The following CACNA1C variants were observed in gnomAD, a reference collection of about 807,000 sequenced individuals.
CACNA1C encodes calcium voltage-gated channel subunit alpha1 C, also known as voltage-dependent L-type calcium channel subunit alpha-1C.
In CACNA1C, 30 loss-of-function variants were observed where a neutral mutation model predicts 229.0. That is an observed-to-expected ratio of 0.13 (90% CI 0.10 to 0.18). CACNA1C has a LOEUF of 0.18. Ranked by LOEUF, CACNA1C falls within the 10% of genes least tolerant of loss-of-function variation. The pLI, the probability that CACNA1C is intolerant of heterozygous loss-of-function variation, is 1.00. For synonymous variants in CACNA1C, 1,114 were observed against 1,132.5 expected (o/e 0.98, Z 0.33); for missense variants, 1,658 against 2,845.0 (o/e 0.58, Z 9.49).
At position 2,147,526 on chromosome 12, in the gene CACNA1C, G is replaced by T. The variant is rs1361746020; in HGVS notation, c.477+27096G>T. On this transcript the variant is annotated intron_variant, in intron 3 of 46. Coordinates refer to ENST00000399655, the MANE Select transcript of CACNA1C (RefSeq NM_000719.7). Reference sequence around the variant, plus strand: ...TTCCAGGGACCTGTTGCCTCTTTGTGACAAATGTTAGATAATTTCCATTAA... The same window carrying T: ...TTCCAGGGACCTGTTGCCTCTTTGTTACAAATGTTAGATAATTTCCATTAA... 1.3e-5 allele frequency among the ~76,000 whole-genome samples: 2 copies of T among 151,214 alleles called. 1 individual carries two copies. The highest frequency in any genetic ancestry group is 3.0e-5 in the Non-Finnish European group (2 of 67,686).
intron 3 of CACNA1C, among the ~76,000 whole-genome samples, chr12:2,357,265 C>A (rs1344677361): frequency 6.6e-6 from 1 of 152,184 alleles, no homozygotes; most frequent in Non-Finnish European, 1.5e-5. Context: ...TCACCTTGCT[C>A]CAAGGAAGCT....
At chr12:2,620,780 T>C (rs901685777) in intron 29 of CACNA1C, among the ~76,000 whole-genome samples, 2 of 152,178 alleles carry the variant, frequency 1.3e-5, no homozygotes, top group African/African-American at 4.8e-5. Flanking sequence ...GACTTACACA[T>C]TGGGGACACA....
At chr12:2,023,935 C>A (rs4765876) in intron 1 of CACNA1C, among the ~76,000 whole-genome samples, 71,022 of 152,018 alleles carry the variant, frequency 0.47, 17,305 homozygotes, top group East Asian at 0.79. Context: ...GAGCACTGCA[C>A]CGGGAGTCAG....
intron 1 of CACNA1C, among the ~76,000 whole-genome samples, chr12:1,974,186 C>T (rs576197032): frequency 4.8e-4 from 73 of 152,082 alleles, no homozygotes; most frequent in Non-Finnish European, 9.0e-4. Flanking sequence ...ATCAATAACC[C>T]TTGTAATTGC....
chr12:2,593,172 G>A (rs1397533656), intron 18 of CACNA1C, 41 bp from the exon 19 acceptor site: 1 of 1,593,510 alleles, frequency 6.3e-7, no homozygotes, highest in South Asian at 1.1e-5. Context: ...AAATAAGTGG[G>A]AGTGCTGGAG....
rs2050854373 is a variant in CACNA1C, at chr12:2,566,333, G to A, written c.1509-89G>A. 1.6e-6 allele frequency: 2 copies of A among 1,223,730 alleles called. No homozygotes were observed. The highest frequency in any genetic ancestry group is 1.5e-5 in the African/African-American group (1 of 66,428). The allele number at this position is 1,223,730 out of a possible 1,614,324, so 75.8% of individuals were successfully genotyped here. The stretch of plus-strand genomic sequence containing the variant: ...CTCTAGCAAGGCCAGATCAGTGAGG[G>A]GCGAGAAGAGCCATGGTGCTGCATC... On this transcript the variant is annotated intron_variant, in intron 11 of 46. Transcript: ENST00000399655. This position sits in a 1 kb window ranked among gnomAD's most constrained non-coding sequence, Gnocchi z 4.0.
At chr12:2,239,342 C>T (rs752192645) in intron 3 of CACNA1C, among the ~76,000 whole-genome samples, 5 of 151,670 alleles carry the variant, frequency 3.3e-5, no homozygotes, top group South Asian at 2.1e-4. Flanking sequence ...CTCTCCCAGG[C>T]GGTGAGGCTT....
At chr12:2,356,806 G>A (rs1396923177) in intron 3 of CACNA1C, among the ~76,000 whole-genome samples, 2 of 152,196 alleles carry the variant, frequency 1.3e-5, no homozygotes, top group Admixed American at 1.3e-4. Flanking sequence ...TGCTCTATAT[G>A]CATTGCTCCC....
At chr12:2,045,524 A>G (rs61910065) in intron 1 of CACNA1C, among the ~76,000 whole-genome samples, 7,065 of 152,278 alleles carry the variant, frequency 0.046, 252 homozygotes, top group Middle Eastern at 0.082. Context: ...GACTGAAAGG[A>G]TTGTTTAAGT....
chr12:2,113,917 G>T (rs1403307932), intron 1 of CACNA1C, among the ~76,000 whole-genome samples: 1 of 152,214 alleles, frequency 6.6e-6, no homozygotes, highest in Non-Finnish European at 1.5e-5. Context: ...CTGTCCCTGC[G>T]CAGGTTGGAG....
chr12:2,109,832 G>A (rs1462169702), intron 1 of CACNA1C, among the ~76,000 whole-genome samples: 1 of 152,100 alleles, frequency 6.6e-6, no homozygotes, highest in Non-Finnish European at 1.5e-5. Flanking sequence ...TCTCCCCCAT[G>A]GTTACATCCA....
chr12:2,093,134 T>TA (rs1221210418), intron 1 of CACNA1C, among the ~76,000 whole-genome samples: 1 of 152,238 alleles, frequency 6.6e-6, no homozygotes, highest in Non-Finnish European at 1.5e-5. Context: ...GGCCCAAATT[T>TA]AGTTACAGAG....
At chr12:2,550,855 G>A (rs1449571009) in intron 10 of CACNA1C, among the ~76,000 whole-genome samples, 1 of 152,212 alleles carries the variant, frequency 6.6e-6, no homozygotes, top group African/African-American at 2.4e-5. Context: ...GAGGGAGAAT[G>A]AGGCTGACGG....
chr12:2,337,138 G>A (rs2096721376), intron 3 of CACNA1C, among the ~76,000 whole-genome samples: 1 of 152,212 alleles, frequency 6.6e-6, no homozygotes, highest in Non-Finnish European at 1.5e-5. Context: ...AGATAAGCAG[G>A]TAGAGAGGCA....
intron 3 of CACNA1C, among the ~76,000 whole-genome samples, chr12:2,248,003 G>A (rs906512035): frequency 6.6e-6 from 1 of 152,180 alleles, no homozygotes; most frequent in Non-Finnish European, 1.5e-5. Flanking sequence ...CTAAAATTGA[G>A]CTGAATCGTG....
chr12:2,683,902 A>T (rs1348044229), intron 43 of CACNA1C, among the ~76,000 whole-genome samples: 2 of 152,242 alleles, frequency 1.3e-5, no homozygotes, highest in African/African-American at 2.4e-5. Context: ...GCCGATGCAG[A>T]CAGGGAGGAG....
At position 2,288,591 on chromosome 12, in the gene CACNA1C, G is replaced by A. The variant is rs2093050001; in HGVS notation, c.478-160385G>A. 4 of 152,362 alleles carry A rather than the reference G, an allele frequency of 2.6e-5. No homozygotes were observed. In the South Asian group the frequency reaches 8.3e-4, roughly 32 times the overall value. The allele number at this position is 152,362 out of a possible 1,614,324, so 9.4% of individuals were successfully genotyped here. A position where few individuals can be genotyped will look rare whatever the true frequency, so the allele number is the denominator to read the frequency against. On this transcript the variant is annotated intron_variant, in intron 3 of 46. Coordinates refer to ENST00000399655, the MANE Select transcript of CACNA1C (RefSeq NM_000719.7). ...CCTTTCCACCCAGTTTGGCTGCGGG[G>A]CTGAGAAGGTGCCCTTGCATTTTGT...
At chr12:2,540,883 A>G (rs2099868327) in intron 9 of CACNA1C, among the ~76,000 whole-genome samples, 1 of 152,138 alleles carries the variant, frequency 6.6e-6, no homozygotes, top group Admixed American at 6.5e-5. Flanking sequence ...CAGACCCAGG[A>G]GCTGGAACAG....
At chr12:2,056,938 G>A (rs1252442778) in intron 1 of CACNA1C, among the ~76,000 whole-genome samples, 2 of 152,132 alleles carry the variant, frequency 1.3e-5, no homozygotes, top group Non-Finnish European at 2.9e-5. Context: ...TAGATCACAC[G>A]AGAGGCTAAT....
Sources: gnomAD v4.1 joint callset for allele counts (sites outside exome capture counted in the v4.1 genomes callset) on GRCh38, gnomAD v4.1.1 for gene constraint, Gnocchi (gnomAD v3.1) non-coding constraint, MANE v1.5 for transcripts, NCBI Gene and HGNC (gene_info 2026-07-23, HGNC 2026-07-21) for gene names.